Variants in NBL1 observed in about 807,000 individuals in gnomAD.
NBL1 encodes the protein NBL1, DAN family BMP antagonist, also known as neuroblastoma suppressor of tumorigenicity 1.
Under a neutral mutation model 16.0 loss-of-function variants are expected in NBL1, and 9 were observed. The observed-to-expected ratio is 0.56, with a 90% CI of 0.34 to 0.98. NBL1 has a LOEUF of 0.98. Among genes scored for constraint, NBL1 ranks in the 50% least tolerant of loss-of-function variants. NBL1 has a pLI of 0.02. For synonymous variants in NBL1, 86 were observed against 100.7 expected, an observed-to-expected ratio of 0.85 and a Z score of 0.87; for missense variants, 196 against 243.1, an observed-to-expected ratio of 0.81 and a Z score of 1.29.
Position 19,655,153 on chromosome 1 carries a change from C to A in NBL1, c.123C>A (p.Thr41=). ...CCTGGTGCGAAGCCAAGAACATCAC[C>A]CAGATCGTGGGCCACAGCGGCTGTG... ...KSAWCEAKNI[T]QIVGHSGCEA... Residue 41 remains threonine (T), a synonymous_variant, in exon 2 of 4, where the codon ACC becomes ACA. Coordinates refer to ENST00000375136, the MANE Select transcript of NBL1 (RefSeq NM_005380.8). 6.2e-7 allele frequency: 1 copy of A among 1,610,582 alleles called. No individual in the cohort carries two copies. Among genetic ancestry groups the A allele is most frequent in the South Asian group, 1.1e-5 (1 of 90,534 alleles).
At chr1:19,649,650 G>A (rs970900002) in intron 1 of NBL1, among the ~76,000 whole-genome samples, 7 of 152,072 alleles carry the variant, frequency 4.6e-5, no homozygotes, top group South Asian at 2.1e-4. Context: ...GAGCCACTGC[G>A]CCTGGCCTCC....
intron 1 of NBL1, among the ~76,000 whole-genome samples, chr1:19,645,058 G>A (rs974702460): frequency 8.5e-5 from 13 of 152,090 alleles, no homozygotes; most frequent in African/African-American, 3.1e-4. Flanking sequence ...TGGGGGTCTC[G>A]CCCTGTGTCT....
intron 1 of NBL1, among the ~76,000 whole-genome samples, chr1:19,647,979 TAG>T (rs1299328911): frequency 1.3e-5 from 2 of 152,062 alleles, no homozygotes; most frequent in East Asian, 3.9e-4. Flanking sequence ...TCTGCGTTCA[TAG>T]GGGGCACAGG....
At chr1:19,650,380 T>G (rs2095016647) in intron 1 of NBL1, among the ~76,000 whole-genome samples, 1 of 152,206 alleles carries the variant, frequency 6.6e-6, no homozygotes, top group South Asian at 2.1e-4. Context: ...AACTGCCCCC[T>G]ATTTACCCAC....
intron 2 of NBL1, 28 bp from the exon 3 acceptor site, chr1:19,655,296 A>ACGGG (rs1347397725): frequency 1.2e-6 from 2 of 1,613,498 alleles, no homozygotes; most frequent in South Asian, 2.2e-5. Context: ...CAACAGTGAC[A>ACGGG]CAGGCATGGT....
intron 1 of NBL1, among the ~76,000 whole-genome samples, chr1:19,654,484 C>A (rs1463089962): frequency 6.6e-6 from 1 of 152,168 alleles, no homozygotes; most frequent in Non-Finnish European, 1.5e-5. Flanking sequence ...ACAATGGTTG[C>A]AGTAGCTTTC....
rs200483320 is a variant in NBL1, at chr1:19,656,998, G to A, written c.415G>A (p.Glu139Lys). The A allele has an allele frequency of 8.8e-6, 14 of 1,597,604 alleles. No homozygotes were observed. Among genetic ancestry groups the A allele is most frequent in the African/African-American group, 5.4e-5 (4 of 74,564 alleles). ...HEGLSVYVQG[E>K]DGPGSQPGTH... ...GGGGCTGAGCGTCTATGTGCAGGGC[G>A]AGGACGGGCCGGGATCCCAGCCCGG... The change falls in exon 4 of 4, where the codon GAG becomes AAG. Residue 139 changes from glutamate (E) to lysine (K), a missense_variant. Transcript: ENST00000375136.
intron 1 of NBL1, among the ~76,000 whole-genome samples, chr1:19,648,820 T>TTTAAAG (rs2095002511): frequency 6.6e-6 from 1 of 151,992 alleles, no homozygotes; most frequent in Admixed American, 6.6e-5. Flanking sequence ...CAAGGACACC[T>TTTAAAG]CCTTTAAAGC....
rs768756805 is a variant in NBL1 at position 19,657,009 on chromosome 1, G to A, written c.426G>A (p.Pro142=). 8.8e-6 allele frequency: 14 copies of A among 1,586,360 alleles called. No homozygotes were observed. The highest frequency in any genetic ancestry group is 5.4e-5 in the Admixed American group (3 of 55,520). ...TCTATGTGCAGGGCGAGGACGGGCC[G>A]GGATCCCAGCCCGGCACCCACCCTC... The part of the protein sequence containing the change: ...LSVYVQGEDG[P]GSQPGTHPHP... The change falls in exon 4 of 4, where the codon CCG becomes CCA. Residue 142 remains proline, a synonymous_variant. Coordinates refer to ENST00000375136, the MANE Select transcript of NBL1 (RefSeq NM_005380.8).
At chr1:19,646,055 G>C (rs958539929) in intron 1 of NBL1, 1 of 1,550,586 alleles carries the variant, frequency 6.4e-7, no homozygotes, top group Non-Finnish European at 8.7e-7. Flanking sequence ...CGTGGCCTGG[G>C]TTTGGGGGCT....
At chr1:19,653,475 C>A (rs1167520962) in intron 1 of NBL1, among the ~76,000 whole-genome samples, 1 of 152,094 alleles carries the variant, frequency 6.6e-6, no homozygotes, top group Non-Finnish European at 1.5e-5. Context: ...AGGGACTGTC[C>A]CAAGGTAAAG....
At chr1:19,652,664 A>G (rs894315501) in intron 1 of NBL1, among the ~76,000 whole-genome samples, 1 of 152,114 alleles carries the variant, frequency 6.6e-6, no homozygotes, top group African/African-American at 2.4e-5. Context: ...GCCCACCTCT[A>G]GACCCGTGCT....
chr1:19,643,354 A>G, upstream of NBL1: 8 of 1,614,058 alleles, frequency 5.0e-6, no homozygotes, highest in Non-Finnish European at 6.8e-6. This position sits in a 1 kb window ranked among gnomAD's most constrained non-coding sequence, Gnocchi z 4.7. Context: ...GGCTGTGTCT[A>G]TCTGGAAGTT....
In NBL1 at chr1:19,645,870, C is replaced by A. The variant is rs929617491; in HGVS notation, c.-20+1424C>A. 20 of 1,529,566 alleles carry A rather than the reference C, an allele frequency of 1.3e-5. No homozygotes were observed. In the African/African-American group the frequency reaches 1.9e-4, roughly 15 times the overall value. 94.7% of individuals were successfully genotyped at this position (1,529,566 alleles called of 1,614,324 possible). On this transcript the variant is annotated intron_variant, in intron 1 of 3. Coordinates refer to ENST00000375136, the MANE Select transcript of NBL1 (RefSeq NM_005380.8). ...CAGGCTGAGTTTAGCTGCTTCCCCC[C>A]ACCCACAACCTCAAGGGTCGGAGGC...
Position 19,657,286 on chromosome 1 carries a change from A to C in NBL1, c.*157A>C. On this transcript the variant is annotated 3_prime_UTR_variant, in exon 4 of 4. Coordinates refer to ENST00000375136, the MANE Select transcript of NBL1 (RefSeq NM_005380.8). ...GCTGCCCGGTTGCCATGGAGATCTG[A>C]AGGGGCGGGGTTAGAGCCAAGCTGC... 1 of 526,566 alleles carries C rather than the reference A, an allele frequency of 1.9e-6. No homozygotes were observed. The highest frequency in any genetic ancestry group is 3.4e-6 in the Non-Finnish European group (1 of 294,152). The allele number at this position is 526,566 out of a possible 1,614,324, so 32.6% of individuals were successfully genotyped here. A position where few individuals can be genotyped will look rare whatever the true frequency, so the allele number is the denominator to read the frequency against.
At chr1:19,656,172 C>T (rs1276749343) in intron 3 of NBL1, among the ~76,000 whole-genome samples, 1 of 151,946 alleles carries the variant, frequency 6.6e-6, no homozygotes, top group Non-Finnish European at 1.5e-5. Flanking sequence ...GTCCCCAGAG[C>T]TGGCACAGGG....
intron 1 of NBL1, chr1:19,646,034 G>T (rs1347545156): frequency 6.4e-7 from 1 of 1,550,690 alleles, no homozygotes; most frequent in Non-Finnish European, 8.7e-7. Context: ...AGGGTCTGCG[G>T]TAAGGAGGGC....
chr1:19,652,825 T>C (rs2095034288), intron 1 of NBL1, among the ~76,000 whole-genome samples: 1 of 151,540 alleles, frequency 6.6e-6, no homozygotes, highest in Non-Finnish European at 1.5e-5. Context: ...CCATCTCTAC[T>C]AAAAATACAA....
At position 19,657,047 on chromosome 1, in the gene NBL1, A is replaced by G. The variant is rs773693467; in HGVS notation, c.464A>G (p.His155Arg). Residue 155 changes from histidine to arginine, a missense_variant, in exon 4 of 4, where the codon CAC becomes CGC. Coordinates refer to ENST00000375136, the MANE Select transcript of NBL1 (RefSeq NM_005380.8). ...QPGTHPHPHP[H>R]PHPGGQTPEP... ...GGCACCCACCCTCACCCCCATCCCC[A>G]CCCCCATCCTGGCGGGCAGACCCCT... 8.8e-7 allele frequency: 1 copy of G among 1,130,584 alleles called. No homozygotes were observed. 70.0% of individuals were successfully genotyped at this position (1,130,584 alleles called of 1,614,324 possible). A position where few individuals can be genotyped will look rare whatever the true frequency, so the allele number is the denominator to read the frequency against.
Sources: gnomAD v4.1 joint callset for allele counts (sites outside exome capture counted in the v4.1 genomes callset) on GRCh38, gnomAD v4.1.1 for gene constraint, Gnocchi (gnomAD v3.1) non-coding constraint, MANE v1.5 for transcripts, NCBI Gene and HGNC (gene_info 2026-07-23, HGNC 2026-07-21) for gene names.